SYCP1: variants seen among roughly 807,000 people sequenced by gnomAD.
SYCP1 encodes the protein cancer/testis antigen 8.
A neutral mutation model predicts 153.1 loss-of-function variants in SYCP1; 64 were observed. The observed-to-expected ratio is 0.42, with a 90% CI of 0.34 to 0.51. The LOEUF is 0.51. SYCP1 is among the 20% of genes least tolerant of loss of function. The pLI is 0.06. For synonymous variants in SYCP1, 384 were observed against 341.8 expected (o/e 1.12, Z -1.36); for missense variants, 997 against 1,049.0 (o/e 0.95, Z 0.68).
chr1:114,934,172 T>C (rs963512458), intron 23 of SYCP1, among the ~76,000 whole-genome samples: 3 of 152,172 alleles, frequency 2.0e-5, no homozygotes, highest in African/African-American at 7.2e-5. Flanking sequence ...AAAGGTCAGG[T>C]TACCTACAAA....
chr1:114,943,387 A>G (rs1670507348), intron 23 of SYCP1, among the ~76,000 whole-genome samples: 1 of 151,942 alleles, frequency 6.6e-6, no homozygotes, highest in Non-Finnish European at 1.5e-5. Context: ...TGTTATATTC[A>G]TACAATAGAA....
At chr1:114,909,495 TAC>T (rs57520899) in intron 16 of SYCP1, among the ~76,000 whole-genome samples, 35,350 of 106,196 alleles carry the variant, frequency 0.33, 5,882 homozygotes, top group Non-Finnish European at 0.38. Flanking sequence ...TCCCTTGCTG[TAC>T]ACACACACAC....
At chr1:114,985,756 T>C (rs906586262) in intron 30 of SYCP1, among the ~76,000 whole-genome samples, 3 of 151,832 alleles carry the variant, frequency 2.0e-5, no homozygotes, top group African/African-American at 7.3e-5. Flanking sequence ...TCTTAACAAT[T>C]AAAACTGTGA....
At chr1:114,988,594 T>C (rs902223076) in intron 30 of SYCP1, among the ~76,000 whole-genome samples, 3 of 151,978 alleles carry the variant, frequency 2.0e-5, no homozygotes, top group African/African-American at 7.2e-5. Context: ...GAAATTGAGA[T>C]ATTTCCAGAT....
At chr1:114,919,963 G>A (rs960640360) in intron 20 of SYCP1, among the ~76,000 whole-genome samples, 3 of 151,384 alleles carry the variant, frequency 2.0e-5, no homozygotes, top group African/African-American at 7.3e-5. Context: ...TTGTTTTGTT[G>A]ATGTTTTGTA....
At position 114,886,199 on chromosome 1, in the gene SYCP1, A is replaced by G; in HGVS notation, c.1080A>G (p.Glu360=). 1 of 1,612,150 alleles carries G rather than the reference A, an allele frequency of 6.2e-7. No individual in the cohort carries two copies. Among genetic ancestry groups the G allele is most frequent in the Middle Eastern group, 1.7e-4 (1 of 6,048 alleles). The part of the protein sequence containing the change: ...KTICQLTEEK[E]TQMEESNKAR... ...TTTGTCAGCTAACTGAAGAAAAAGAAACTCAAATGGAAGAATCTAATAAAG... is the reference window on the plus strand; with the variant it reads ...TTTGTCAGCTAACTGAAGAAAAAGAGACTCAAATGGAAGAATCTAATAAAG... The change falls in exon 14 of 32, where the codon GAA becomes GAG. Residue 360 remains glutamate, a synonymous_variant. Coordinates refer to ENST00000369522, the MANE Select transcript of SYCP1 (RefSeq NM_003176.4).
intron 20 of SYCP1, among the ~76,000 whole-genome samples, chr1:114,921,191 A>C (rs545939731): frequency 6.6e-6 from 1 of 152,016 alleles, no homozygotes; most frequent in South Asian, 2.1e-4. Flanking sequence ...ATAATATCTT[A>C]TAACCCATTA....
At chr1:114,920,522 T>A (rs1668797332) in intron 20 of SYCP1, among the ~76,000 whole-genome samples, 1 of 152,100 alleles carries the variant, frequency 6.6e-6, no homozygotes, top group Non-Finnish European at 1.5e-5. Context: ...GATTGATTGA[T>A]GTTTCTTTGG....
intron 8 of SYCP1, among the ~76,000 whole-genome samples, 164 bp downstream of exon 8, chr1:114,860,973 T>C (rs1273644042): frequency 6.6e-6 from 1 of 152,190 alleles, no homozygotes; most frequent in Non-Finnish European, 1.5e-5. Context: ...TCACAGTTCT[T>C]TGACTTTTGA....
At position 114,874,558 on chromosome 1, in the gene SYCP1, C is replaced by T. The variant is rs550634952; in HGVS notation, c.651C>T (p.Asn217=). ...TRQVYMDLNN[N]IEKMITAFEE... is the part of the protein sequence containing the mutation. ...AAGTTTATATGGATCTAAATAATAA[C>T]ATTGAGGTGAGTGTTAATGAAATCT... is the stretch of plus-strand genomic sequence containing the variant. The change falls in exon 9 of 32, where the codon AAC becomes AAT. Residue 217 remains asparagine (N), a synonymous_variant. Coordinates refer to ENST00000369522, the MANE Select transcript of SYCP1 (RefSeq NM_003176.4). 9.5e-5 allele frequency: 149 copies of T among 1,568,028 alleles called. No individual in the cohort carries two copies. The highest frequency in any genetic ancestry group is 3.4e-4 in the Middle Eastern group (2 of 5,938).
intron 16 of SYCP1, among the ~76,000 whole-genome samples, chr1:114,909,595 G>A (rs977824350): frequency 6.6e-6 from 1 of 151,712 alleles, no homozygotes; most frequent in Admixed American, 6.6e-5. Context: ...GGGAGAGTTG[G>A]TCTCTGGGCA....
intron 16 of SYCP1, among the ~76,000 whole-genome samples, chr1:114,896,972 C>A (rs1308210412): frequency 1.3e-5 from 2 of 152,124 alleles, no homozygotes; most frequent in Non-Finnish European, 2.9e-5. Flanking sequence ...CAGATTGAAT[C>A]CCCAGTTACC....
chr1:114,886,193 AAAAG>A lies in SYCP1; in HGVS notation c.1078_1081del (p.Glu360LeufsTer31). The A allele has an allele frequency of 6.2e-7, 1 of 1,612,182 alleles. No homozygotes were observed. On this transcript the variant is annotated frameshift_variant, in exon 14 of 32. Transcript: ENST00000369522. LOFTEE classifies it high-confidence loss of function. ...AAACAATTTGTCAGCTAACTGAAGA[AAAAG>A]AAACTCAAATGGAAGAATCTAATAA... is the stretch of plus-strand genomic sequence containing the variant.
chr1:114,908,997 C>T (rs1026866981), intron 16 of SYCP1, among the ~76,000 whole-genome samples: 8 of 152,136 alleles, frequency 5.3e-5, no homozygotes, highest in Admixed American at 1.3e-4. Context: ...TATCAGTTTG[C>T]TAGATTCAAA....
chr1:114,974,277 C>T (rs1219103836), intron 27 of SYCP1, among the ~76,000 whole-genome samples: 1 of 151,660 alleles, frequency 6.6e-6, no homozygotes, highest in Non-Finnish European at 1.5e-5. Context: ...TAATGCTGGC[C>T]AATATTTTAT....
At chr1:114,880,230 C>T (rs1665825949) in intron 12 of SYCP1, among the ~76,000 whole-genome samples, 1 of 152,180 alleles carries the variant, frequency 6.6e-6, no homozygotes, top group African/African-American at 2.4e-5. Flanking sequence ...CAAGAACTCA[C>T]CATCCAAGAA....
intron 8 of SYCP1, among the ~76,000 whole-genome samples, chr1:114,872,433 T>G (rs1182439963): frequency 6.6e-6 from 1 of 152,206 alleles, no homozygotes; most frequent in East Asian, 1.9e-4. Context: ...TTTGCTCCTC[T>G]GTAGGTAAAA....
intron 18 of SYCP1, 38 bp from the exon 19 acceptor site, chr1:114,912,995 G>T: frequency 2.9e-6 from 4 of 1,401,642 alleles, no homozygotes; most frequent in African/African-American, 2.9e-5. Context: ...CATTACATTT[G>T]TAAATATTTT....
chr1:114,988,080 C>CAAAAAAAAAAAAAAAAAAAAAA (rs34553973), intron 30 of SYCP1, among the ~76,000 whole-genome samples: 1 of 114,642 alleles, frequency 8.7e-6, no homozygotes. Flanking sequence ...TGATAAACGG[C>CAAAAAAAAAAAAAAAAAAAAAA]AAAAAAAAAA....
Sources: gnomAD v4.1 joint callset for allele counts (sites outside exome capture counted in the v4.1 genomes callset) on GRCh38, gnomAD v4.1.1 for gene constraint, MANE v1.5 for transcripts, NCBI Gene and HGNC (gene_info 2026-07-23, HGNC 2026-07-21) for gene names.